Variants in RHBG observed in about 807,000 individuals in gnomAD.
RHBG encodes ammonium transporter Rh type B.
Under a neutral mutation model 40.1 loss-of-function variants are expected in RHBG, and 39 were observed. The ratio of observed to expected loss-of-function variants is 0.97; its 90% CI spans 0.75 to 1.27. The LOEUF is 1.27. Among genes scored for constraint, RHBG ranks in the 50% most tolerant of loss-of-function variants. RHBG has a pLI of 0.00. For missense variants in RHBG, 549 were observed against 588.1 expected (o/e 0.93, Z 0.69); for synonymous variants, 237 against 252.5 (o/e 0.94, Z 0.58).
chr1:156,380,288 G>C (rs894392338), intron 4 of RHBG, among the ~76,000 whole-genome samples: 1 of 151,726 alleles, frequency 6.6e-6, no homozygotes, highest in African/African-American at 2.4e-5. Flanking sequence ...TTTTAGTAGA[G>C]ACAGGTTTTC....
In RHBG at chr1:156,381,720, C is replaced by CA. The variant is rs1667650001; in HGVS notation, c.841-85dup. 1.3e-6 allele frequency: 2 copies of CA among 1,499,244 alleles called. 1 individual carries two copies. Among genetic ancestry groups the CA allele is most frequent in the South Asian group, 2.7e-5 (2 of 75,054 alleles). 92.9% of individuals were successfully genotyped at this position (1,499,244 alleles called of 1,614,324 possible). A position where few individuals can be genotyped will look rare whatever the true frequency, so the allele number is the denominator to read the frequency against. ...TAGATGGCAGAGGGACTTCCAGAAG[C>CA]AGTAGGTGTCACTGTGGTGTGTAGG... On this transcript the variant is annotated intron_variant, in intron 5 of 9. Coordinates refer to ENST00000537040, the MANE Select transcript of RHBG (RefSeq NM_020407.5).
rs1413826023 is a variant in RHBG, at chr1:156,375,785, G to C, written c.188-1516G>C. Among the ~76,000 whole-genome samples, 4 of 151,272 alleles carry C rather than the reference G, an allele frequency of 2.6e-5. No homozygotes were observed. In the East Asian group the frequency reaches 7.7e-4, roughly 29 times the overall value. ...ACACGGAATCTCACTCTGTTGCCAG[G>C]CTGGAGTGCAATGGCGCTATCTCGG... On this transcript the variant is annotated intron_variant, in intron 1 of 9. Transcript: ENST00000537040.
chr1:156,378,160 T>C lies in RHBG; in HGVS notation c.525+20T>C. On this transcript the variant is annotated intron_variant, in intron 3 of 9. Transcript: ENST00000537040. ...CTGGGGGTGAGAGTCTGGGGAGGGATGGAGTCGGGGGTGGGGGGTGGTCAA... is the reference window on the plus strand; with the variant it reads ...CTGGGGGTGAGAGTCTGGGGAGGGACGGAGTCGGGGGTGGGGGGTGGTCAA... The C allele has an allele frequency of 1.1e-6, 1 of 942,806 alleles. No individual in the cohort carries two copies. Among genetic ancestry groups the C allele is most frequent in the East Asian group, 6.8e-5 (1 of 14,814 alleles). The allele number at this position is 942,806 out of a possible 1,614,324, so 58.4% of individuals were successfully genotyped here. A position where few individuals can be genotyped will look rare whatever the true frequency, so the allele number is the denominator to read the frequency against.
chr1:156,382,648 G>T, intron 7 of RHBG, 100 bp from the exon 8 acceptor site: 1 of 1,454,674 alleles, frequency 6.9e-7, no homozygotes, highest in Non-Finnish European at 9.5e-7. Context: ...GCCACTTCCT[G>T]TTCCCCAGTG....
At chr1:156,384,217 G>T (rs1054030936) in intron 8 of RHBG, among the ~76,000 whole-genome samples, 2 of 152,196 alleles carry the variant, frequency 1.3e-5, no homozygotes, top group African/African-American at 2.4e-5. Flanking sequence ...TCAGGAACTG[G>T]TCTATTACCA....
rs1557801504 is a variant in RHBG, at chr1:156,378,311, C to T, written c.585C>T (p.Val195=). ...CCTTTGGTGCCTACTTCGGGCTCGT[C>T]CTTTCGCGGGTTCTGTACAGGCCCC... is the stretch of plus-strand genomic sequence containing the variant. ...IHTFGAYFGL[V]LSRVLYRPQL... The change falls in exon 4 of 10, where the codon GTC becomes GTT. Residue 195 remains valine (V), a synonymous_variant. Coordinates refer to ENST00000537040, the MANE Select transcript of RHBG (RefSeq NM_020407.5). 6.2e-7 allele frequency: 1 copy of T among 1,614,080 alleles called. No individual in the cohort carries two copies. Among genetic ancestry groups the T allele is most frequent in the Non-Finnish European group, 8.5e-7 (1 of 1,180,014 alleles).
intron 8 of RHBG, chr1:156,384,322 T>G (rs1455169741): frequency 1.5e-6 from 1 of 649,112 alleles, no homozygotes; most frequent in Non-Finnish European, 2.8e-6. Context: ...GTTGTTGTGA[T>G]TACTCAGGAA....
chr1:156,381,751 G>T, intron 5 of RHBG, 55 bp from the exon 6 acceptor site: 1 of 1,546,736 alleles, frequency 6.5e-7, no homozygotes, highest in Non-Finnish European at 8.7e-7. Context: ...GTAGGGTTGG[G>T]TTGCTGTGGG....
chr1:156,372,102 G>A (rs532488476), intron 1 of RHBG, among the ~76,000 whole-genome samples: 66 of 152,308 alleles, frequency 4.3e-4, no homozygotes, highest in Non-Finnish European at 7.2e-4. Flanking sequence ...CTTTGATTCG[G>A]GAGATGAAAG....
chr1:156,371,941 A>G (rs546739617), intron 1 of RHBG: 2 of 152,312 alleles, frequency 1.3e-5, no homozygotes, highest in South Asian at 4.1e-4. Flanking sequence ...CTAGGTTTCC[A>G]TTCCTGTGGA....
At chr1:156,371,340 A>C (rs1666850916) in intron 1 of RHBG, 1 of 315,422 alleles carries the variant, frequency 3.2e-6, no homozygotes, top group Admixed American at 4.5e-5. Context: ...TTGTATTTTT[A>C]GTAGAGATGA....
In RHBG at chr1:156,369,226, CCAGCCGAGATCG is replaced by C; in HGVS notation, c.-18_-7del. On this transcript the variant is annotated 5_prime_UTR_variant, in exon 1 of 10. Coordinates refer to ENST00000537040, the MANE Select transcript of RHBG (RefSeq NM_020407.5). ...AATTGTCTGCCAAAGCCTGCGAGCG[CCAGCCGAGATCG>C]CAGCCCAACCCATGGCCGGGTCTCC... 6.2e-7 allele frequency: 1 copy of C among 1,605,740 alleles called. No individual in the cohort carries two copies. Among genetic ancestry groups the C allele is most frequent in the South Asian group, 1.1e-5 (1 of 90,502 alleles).
intron 1 of RHBG, among the ~76,000 whole-genome samples, chr1:156,376,949 G>C (rs1667245639): frequency 6.6e-6 from 1 of 152,220 alleles, no homozygotes; most frequent in African/African-American, 2.4e-5. Flanking sequence ...TCTGTAGTGG[G>C]GAGAATTTTG....
Position 156,369,349 on chromosome 1 carries a change from G to A in RHBG, c.100G>A (p.Val34Ile). Residue 34 changes from valine to isoleucine, a missense_variant, in exon 1 of 10, where the codon GTC becomes ATC. By Grantham distance (29) the Val-to-Ile change is conservative. Coordinates refer to ENST00000537040, the MANE Select transcript of RHBG (RefSeq NM_020407.5). ...CACTGCCGTCCTCTTTGCTGTCTTT[G>A]TCCGCTACAACCACAAAACCGACGC... ...GATAVLFAVFVRYNHKTDAAL... is the reference protein window; with the variant it reads ...GATAVLFAVFIRYNHKTDAAL... 6.2e-7 allele frequency: 1 copy of A among 1,614,190 alleles called. No homozygotes were observed. The highest frequency in any genetic ancestry group is 8.5e-7 in the Non-Finnish European group (1 of 1,180,030).
At position 156,377,079 on chromosome 1, in the gene RHBG, A is replaced by G. The variant is rs367922366; in HGVS notation, c.188-222A>G. On this transcript the variant is annotated intron_variant, in intron 1 of 9. Coordinates refer to ENST00000537040, the MANE Select transcript of RHBG (RefSeq NM_020407.5). This position sits in a 1 kb window ranked among gnomAD's most constrained non-coding sequence, Gnocchi z 4.6. ...GAAGGCTTTACTCCCTTGCTCTGAC[A>G]CGAGGACAGCAGGGATGTCGGGGTC... 6.6e-6 allele frequency among the ~76,000 whole-genome samples: 1 copy of G among 152,348 alleles called. No homozygotes were observed. The highest frequency in any genetic ancestry group is 2.4e-5 in the African/African-American group (1 of 41,584).
In RHBG at chr1:156,381,222, T is replaced by C. The variant is rs1667606705; in HGVS notation, c.674-125T>C. The C allele has an allele frequency of 3.0e-6, 3 of 1,001,766 alleles. No individual in the cohort carries two copies. The African/African-American group carries it at 4.8e-5, about 16-fold the overall frequency. 62.1% of individuals were successfully genotyped at this position (1,001,766 alleles called of 1,614,324 possible). On this transcript the variant is annotated intron_variant, in intron 4 of 9. Transcript: ENST00000537040. ...CAGCCCAAGGTGGTATTATTATCAA[T>C]CCCACTGAACATATGAGGAAACTGA...
intron 4 of RHBG, 52 bp downstream of exon 4, chr1:156,378,451 A>C (rs750445883): frequency 9.8e-6 from 15 of 1,530,602 alleles, no homozygotes; most frequent in Non-Finnish European, 1.2e-5. Flanking sequence ...TGGAGGCCTC[A>C]TCTGGGCCAG....
intron 8 of RHBG, among the ~76,000 whole-genome samples, chr1:156,384,140 A>C (rs1245506762): frequency 6.6e-6 from 1 of 152,178 alleles, no homozygotes; most frequent in Non-Finnish European, 1.5e-5. Context: ...GGCCACAATA[A>C]GCATTTCCTG....
intron 1 of RHBG, among the ~76,000 whole-genome samples, chr1:156,373,019 T>A (rs991220661): frequency 4.6e-5 from 7 of 152,160 alleles, no homozygotes; most frequent in Admixed American, 2.0e-4. Context: ...AGCTGTCTTC[T>A]CCCATAATCT....
Sources: gnomAD v4.1 joint callset for allele counts (sites outside exome capture counted in the v4.1 genomes callset) on GRCh38, gnomAD v4.1.1 for gene constraint, Gnocchi (gnomAD v3.1) non-coding constraint, MANE v1.5 for transcripts, NCBI Gene and HGNC (gene_info 2026-07-23, HGNC 2026-07-21) for gene names.